Variants in WDR70 observed in about 807,000 individuals in gnomAD.
WDR70 encodes the protein WD repeat domain 70.
WDR70 carries 53 observed loss-of-function variants against 88.6 expected under a neutral mutation model. The observed-to-expected ratio is 0.60, with a 90% CI of 0.48 to 0.75. WDR70 has a LOEUF of 0.75. WDR70 is among the 30% of genes least tolerant of loss of function. The probability of loss-of-function intolerance (pLI) is 0.00; values close to 1 mark genes in which losing one functional copy is unlikely to be tolerated. For synonymous variants in WDR70, 280 were observed against 270.0 expected (o/e 1.04, Z -0.36); for missense variants, 610 against 823.2 (o/e 0.74, Z 3.17).
intron 10 of WDR70, among the ~76,000 whole-genome samples, chr5:37,626,911 T>C (rs1744680004): frequency 6.6e-6 from 1 of 152,192 alleles, no homozygotes; most frequent in African/African-American, 2.4e-5. Flanking sequence ...GGCATATTGT[T>C]GTTCATAGTA....
chr5:37,483,686 G>A (rs1363268505), intron 8 of WDR70, among the ~76,000 whole-genome samples: 2 of 151,870 alleles, frequency 1.3e-5, no homozygotes, highest in African/African-American at 4.8e-5. Flanking sequence ...GCCAGGCAGA[G>A]GCGCCCCCCA....
intron 9 of WDR70, among the ~76,000 whole-genome samples, chr5:37,555,479 G>C (rs770950087): frequency 2.0e-5 from 3 of 152,120 alleles, no homozygotes; most frequent in Non-Finnish European, 2.9e-5. Flanking sequence ...CAACATTGCA[G>C]AAATCTTGGG....
Position 37,381,955 on chromosome 5 carries a change from A to G in WDR70, c.175+270A>G, listed in dbSNP as rs528456770. Reference sequence around the variant, plus strand: ...GTAATCCCAGCTAGTCGTGAGGCTGAGGCAGTGGCTTCAGTTGAAGTCGGG... The same window carrying G: ...GTAATCCCAGCTAGTCGTGAGGCTGGGGCAGTGGCTTCAGTTGAAGTCGGG... On this transcript the variant is annotated intron_variant, in intron 3 of 17. Transcript: ENST00000265107. 5.4e-5 allele frequency: 18 copies of G among 330,546 alleles called. No individual in the cohort carries two copies. The East Asian group carries it at 1.3e-3, about 24-fold the overall frequency. 20.5% of individuals were successfully genotyped at this position (330,546 alleles called of 1,614,324 possible).
chr5:37,720,843 A>G (rs896253136), intron 13 of WDR70, among the ~76,000 whole-genome samples: 2 of 152,126 alleles, frequency 1.3e-5, no homozygotes, highest in African/African-American at 4.8e-5. Flanking sequence ...TGGGAAACCT[A>G]ATTTTGTGGT....
intron 9 of WDR70, among the ~76,000 whole-genome samples, chr5:37,585,946 C>T (rs1743352501): frequency 6.6e-6 from 1 of 152,168 alleles, no homozygotes; most frequent in Admixed American, 6.5e-5. Flanking sequence ...TGCACCTCCT[C>T]CCACTTCTAC....
At chr5:37,390,793 C>T (rs1748794910) in intron 3 of WDR70, among the ~76,000 whole-genome samples, 1 of 150,990 alleles carries the variant, frequency 6.6e-6, no homozygotes, top group South Asian at 2.1e-4. Context: ...CTTGGCTCAC[C>T]ACAACCTCCA....
Position 37,585,073 on chromosome 5 carries a change from C to T in WDR70, c.918-19991C>T, listed in dbSNP as rs1470177879. Among the ~76,000 whole-genome samples the T allele has an allele frequency of 2.0e-5, 3 of 149,986 alleles. No homozygotes were observed. In the East Asian group the frequency reaches 5.8e-4, roughly 29 times the overall value. On this transcript the variant is annotated intron_variant, in intron 9 of 17. Transcript: ENST00000265107. ...TGGCACGATATCGGCTCACTGCAACCTCTGCCTCCCAGGTTCAAGTGATTC... is the reference window on the plus strand; with the variant it reads ...TGGCACGATATCGGCTCACTGCAACTTCTGCCTCCCAGGTTCAAGTGATTC...
chr5:37,416,630 AGT>A (rs1749765001), intron 5 of WDR70, among the ~76,000 whole-genome samples: 1 of 142,210 alleles, frequency 7.0e-6, no homozygotes, highest in South Asian at 2.2e-4. Flanking sequence ...CCCAGGCTGG[AGT>A]GCAATGGGGT....
chr5:37,696,048 T>A (rs564849876), intron 10 of WDR70, among the ~76,000 whole-genome samples: 6 of 152,314 alleles, frequency 3.9e-5, no homozygotes, highest in Admixed American at 3.3e-4. Flanking sequence ...ACTCTGTATT[T>A]CCCCATTGTA....
intron 9 of WDR70, among the ~76,000 whole-genome samples, chr5:37,536,021 G>A (rs1462204011): frequency 6.6e-6 from 1 of 152,132 alleles, no homozygotes; most frequent in Non-Finnish European, 1.5e-5. Flanking sequence ...GAAACATGTT[G>A]CAGTATTCTC....
intron 7 of WDR70, among the ~76,000 whole-genome samples, chr5:37,477,714 C>T (rs1191595990): frequency 6.6e-6 from 1 of 152,134 alleles, no homozygotes; most frequent in Non-Finnish European, 1.5e-5. Flanking sequence ...TCATACTTGT[C>T]CCCTTTCATA....
chr5:37,751,018 T>A (rs1748791578), intron 17 of WDR70, among the ~76,000 whole-genome samples: 1 of 152,240 alleles, frequency 6.6e-6, no homozygotes. Context: ...CTAACATTGA[T>A]GAGCTGGTGT....
intron 8 of WDR70, among the ~76,000 whole-genome samples, chr5:37,488,103 G>A (rs1204029980): frequency 8.0e-6 from 1 of 125,308 alleles, no homozygotes; most frequent in Non-Finnish European, 1.6e-5. Flanking sequence ...TTTCCTTTCA[G>A]CACTTTGACA....
intron 9 of WDR70, among the ~76,000 whole-genome samples, chr5:37,531,645 C>T (rs6880384): frequency 0.015 from 1,867 of 121,960 alleles, 41 homozygotes; most frequent in African/African-American, 0.052. Flanking sequence ...TTGCTTTTGG[C>T]GTCCATTTCC....
At chr5:37,413,800 T>C (rs538578820) in intron 5 of WDR70, among the ~76,000 whole-genome samples, 1 of 151,984 alleles carries the variant, frequency 6.6e-6, no homozygotes, top group Admixed American at 6.6e-5. Context: ...TCTATAAAGT[T>C]GAATAAGGTT....
intron 7 of WDR70, among the ~76,000 whole-genome samples, chr5:37,446,109 A>G (rs1738468847): frequency 1.3e-5 from 2 of 152,258 alleles, no homozygotes; most frequent in African/African-American, 4.8e-5. Flanking sequence ...TACAAAATCA[A>G]TGTGCAAAAA....
In WDR70 at chr5:37,436,272, A is replaced by G. The variant is rs556568322; in HGVS notation, c.493-1650A>G. Among the ~76,000 whole-genome samples the G allele has an allele frequency of 6.6e-5, 10 of 152,152 alleles. No individual in the cohort carries two copies. The South Asian group carries it at 2.1e-3, about 32-fold the overall frequency. On this transcript the variant is annotated intron_variant, in intron 5 of 17. Transcript: ENST00000265107. ...TTTATTGAGCTCTACCATGTGCCAA[A>G]CTCTGTTAGGAGTTTGAAACCACTT...
chr5:37,416,240 A>C lies in WDR70; in HGVS notation c.492+19670A>C, dbSNP rs1430414845. On this transcript the variant is annotated intron_variant, in intron 5 of 17. Transcript: ENST00000265107. ...GGCACCACTGAGCACTGAGTGAACG[A>C]GACTCCGTCTGCAATCCCGGCACCT... Among the ~76,000 whole-genome samples, 8 of 152,344 alleles carry C rather than the reference A, an allele frequency of 5.3e-5. No individual in the cohort carries two copies. The East Asian group carries it at 1.4e-3, about 26-fold the overall frequency.
At chr5:37,643,603 A>G (rs1745160511) in intron 10 of WDR70, among the ~76,000 whole-genome samples, 1 of 151,758 alleles carries the variant, frequency 6.6e-6, no homozygotes, top group South Asian at 2.1e-4. Context: ...AACAATATTG[A>G]TTCTTCCAAT....
Sources: allele counts gnomAD v4.1 joint callset (sites outside exome capture counted in the v4.1 genomes callset), GRCh38; gene constraint gnomAD v4.1.1; transcripts MANE v1.5; gene names NCBI Gene and HGNC (gene_info 2026-07-23, HGNC 2026-07-21).